Variants in CAMK2G observed in about 807,000 individuals in gnomAD.
The protein encoded by CAMK2G is calcium/calmodulin dependent protein kinase II gamma.
In CAMK2G, 23 loss-of-function variants were observed where a neutral mutation model predicts 88.7. The observed-to-expected ratio is 0.26, with a 90% confidence interval of 0.19 to 0.37. CAMK2G has a LOEUF of 0.37. Among genes scored for constraint, CAMK2G ranks in the 10% least tolerant of loss-of-function variants. The pLI, the probability that CAMK2G is intolerant of heterozygous loss-of-function variation, is 1.00. For synonymous variants in CAMK2G, 263 were observed against 294.8 expected, an observed-to-expected ratio of 0.89 and a Z score of 1.11; for missense variants, 476 against 780.8, an observed-to-expected ratio of 0.61 and a Z score of 4.65.
intron 18 of CAMK2G, among the ~76,000 whole-genome samples, chr10:73,820,561 A>G (rs1353775652): frequency 2.2e-5 from 3 of 138,640 alleles, no homozygotes; most frequent in Non-Finnish European, 4.6e-5. Flanking sequence ...CAGTGGTGCA[A>G]TCTCAGCTCA....
At position 73,848,680 on chromosome 10, in the gene CAMK2G, C is replaced by T. The variant is rs1480052086; in HGVS notation, c.518-71G>A. ...CTCGTTAAATCCACACCAGCCATTT[C>T]CCCCAAGTCCCATCTTATTCCTGCT... On this transcript the variant is annotated intron_variant, in intron 7 of 22. Transcript: ENST00000423381. The surrounding 1 kb of genome is among the most constrained non-coding windows in gnomAD (Gnocchi z 4.5). 3.6e-6 allele frequency: 3 copies of T among 837,856 alleles called. No individual in the cohort carries two copies. Among genetic ancestry groups the T allele is most frequent in the Non-Finnish European group, 5.9e-6 (3 of 511,638 alleles). The allele number at this position is 837,856 out of a possible 1,614,324, so 51.9% of individuals were successfully genotyped here.
chr10:73,840,512 T>C (rs950252574), intron 12 of CAMK2G, among the ~76,000 whole-genome samples: 4 of 152,216 alleles, frequency 2.6e-5, no homozygotes, highest in Admixed American at 6.5e-5. Flanking sequence ...CCTGGAATGC[T>C]TGCAACATTG....
chr10:73,851,036 A>G (rs537363789), intron 5 of CAMK2G, among the ~76,000 whole-genome samples: 1 of 151,680 alleles, frequency 6.6e-6, no homozygotes, highest in African/African-American at 2.4e-5. Flanking sequence ...CTGAGCCATC[A>G]CTGCCTCCTC....
intron 1 of CAMK2G, 157 bp from the exon 2 acceptor site, chr10:73,873,240 T>C: frequency 1.9e-6 from 2 of 1,026,064 alleles, no homozygotes; most frequent in Non-Finnish European, 2.9e-6. Flanking sequence ...CCATCCAACA[T>C]GAGGCAAAAG....
chr10:73,853,968 G>A (rs964549154), intron 3 of CAMK2G, among the ~76,000 whole-genome samples: 1 of 152,202 alleles, frequency 6.6e-6, no homozygotes, highest in African/African-American at 2.4e-5. Context: ...TCGACCACCT[G>A]AGATGAATGT....
At chr10:73,837,534 C>A in intron 13 of CAMK2G, 23 bp from the exon 14 acceptor site, 1 of 1,600,848 alleles carries the variant, frequency 6.2e-7, no homozygotes, top group South Asian at 1.1e-5. Flanking sequence ...AGAGGAATAT[C>A]AAGTCTCCTG....
At chr10:73,850,315 G>A in intron 5 of CAMK2G, among the ~76,000 whole-genome samples, 1 of 152,182 alleles carries the variant, frequency 6.6e-6, no homozygotes, top group Non-Finnish European at 1.5e-5. Flanking sequence ...ACGTAAATCA[G>A]ACTGTCCACA....
intron 4 of CAMK2G, 106 bp downstream of exon 4, chr10:73,853,086 G>A: frequency 2.0e-6 from 2 of 1,021,816 alleles, no homozygotes; most frequent in South Asian, 1.3e-5. Flanking sequence ...GACAAAGGAG[G>A]GGGCCCTGGG....
At chr10:73,835,646 T>C (rs1180786516) in intron 14 of CAMK2G, among the ~76,000 whole-genome samples, 2 of 152,026 alleles carry the variant, frequency 1.3e-5, no homozygotes, top group Non-Finnish European at 1.5e-5. Flanking sequence ...CAATGGCCTA[T>C]GGTATTTCCC....
At chr10:73,868,169 C>T (rs1429821733) in intron 2 of CAMK2G, among the ~76,000 whole-genome samples, 1 of 152,184 alleles carries the variant, frequency 6.6e-6, no homozygotes, top group East Asian at 1.9e-4. Context: ...CCTCCCCTTC[C>T]CTATCTCCAG....
At chr10:73,864,521 T>TTGAGTAGGGCAGTC (rs1565499378) in intron 2 of CAMK2G, among the ~76,000 whole-genome samples, 2 of 152,134 alleles carry the variant, frequency 1.3e-5, no homozygotes, top group African/African-American at 4.8e-5. Flanking sequence ...GAGTGCAGAT[T>TTGAGTAGGGCAGTC]TGAGTAGGGC....
Position 73,813,504 on chromosome 10 carries a change from A to C in CAMK2G, c.*1014T>G, listed in dbSNP as rs923988016. On this transcript the variant is annotated 3_prime_UTR_variant, in exon 23 of 23. Transcript: ENST00000423381. The stretch of plus-strand genomic sequence containing the variant: ...CTCACTCCTCCCATCCCACAGGGGC[A>C]CTTGGCAGAGGGCCCAGGCCCAGAT... The C allele has an allele frequency of 2.0e-5, 3 of 152,722 alleles. No homozygotes were observed. The highest frequency in any genetic ancestry group is 4.4e-5 in the Non-Finnish European group (3 of 68,166). 9.5% of individuals were successfully genotyped at this position (152,722 alleles called of 1,614,324 possible). A position where few individuals can be genotyped will look rare whatever the true frequency, so the allele number is the denominator to read the frequency against.
intron 18 of CAMK2G, among the ~76,000 whole-genome samples, chr10:73,820,531 C>T (rs1366967196): frequency 1.6e-5 from 2 of 126,352 alleles, no homozygotes; most frequent in African/African-American, 6.0e-5. Context: ...GAGTCTCGCT[C>T]TGTCACCCAG....
At chr10:73,838,225 C>G (rs1375203352) in intron 13 of CAMK2G, among the ~76,000 whole-genome samples, 8 of 152,124 alleles carry the variant, frequency 5.3e-5, no homozygotes, top group Non-Finnish European at 1.2e-4. Flanking sequence ...CTGGTGACAC[C>G]AGCTGGCCAC....
Position 73,819,658 on chromosome 10 carries a change from G to T in CAMK2G, c.1250-13C>A. 1 of 1,441,816 alleles carries T rather than the reference G, an allele frequency of 6.9e-7. No individual in the cohort carries two copies. The highest frequency in any genetic ancestry group is 9.4e-7 in the Non-Finnish European group (1 of 1,064,308). 89.3% of individuals were successfully genotyped at this position (1,441,816 alleles called of 1,614,324 possible). ...CGGAGCGGGGCAGCTAGCCAGCCAG[G>T]GCAGGGCAGGGCAGGGCAAGGCAGA... On this transcript the variant is annotated splice_polypyrimidine_tract_variant and intron_variant, in intron 18 of 22. Transcript: ENST00000423381.
Position 73,839,516 on chromosome 10 carries a change from CG to C in CAMK2G, c.1009+22del. On this transcript the variant is annotated intron_variant, in intron 13 of 22. Transcript: ENST00000423381. The surrounding 1 kb of genome is among the most constrained non-coding windows in gnomAD (Gnocchi z 4.2). ...GTGGCAGGGGGCCGAGGCAGGCGGTCGGGGAGGACTCATGCCACGTACCTTG... is the reference window on the plus strand; with the variant it reads ...GTGGCAGGGGGCCGAGGCAGGCGGTCGGGAGGACTCATGCCACGTACCTTG... The C allele has an allele frequency of 8.1e-7, 1 of 1,228,128 alleles. No homozygotes were observed. 76.1% of individuals were successfully genotyped at this position (1,228,128 alleles called of 1,614,324 possible). A position where few individuals can be genotyped will look rare whatever the true frequency, so the allele number is the denominator to read the frequency against.
rs1388500227 is a variant in CAMK2G at position 73,852,554 on chromosome 10, T to C, written c.276-235A>G. On this transcript the variant is annotated intron_variant, in intron 4 of 22. Transcript: ENST00000423381. ...CATTTCTTTTTCCAAAATGCACAGA[T>C]TCACTAATAGTCAGGCAGAGATGAA... 8 of 544,348 alleles carry C rather than the reference T, an allele frequency of 1.5e-5. No homozygotes were observed. In the East Asian group the frequency reaches 1.5e-4, roughly 10 times the overall value. The allele number at this position is 544,348 out of a possible 1,614,324, so 33.7% of individuals were successfully genotyped here.
rs1336095749 is a variant in CAMK2G at position 73,848,974 on chromosome 10, G to C, written c.517+39C>G. 8.0e-7 allele frequency: 1 copy of C among 1,253,226 alleles called. No individual in the cohort carries two copies. The highest frequency in any genetic ancestry group is 1.5e-5 in the African/African-American group (1 of 68,004). 77.6% of individuals were successfully genotyped at this position (1,253,226 alleles called of 1,614,324 possible). On this transcript the variant is annotated intron_variant, in intron 7 of 22. Transcript: ENST00000423381. The surrounding 1 kb of genome is among the most constrained non-coding windows in gnomAD (Gnocchi z 4.5). ...AAGGCAGATCAGGAAGAGGAGGAAGGGCGGGGGCTGCATTCCGGGAAGACA... is the reference window on the plus strand; with the variant it reads ...AAGGCAGATCAGGAAGAGGAGGAAGCGCGGGGGCTGCATTCCGGGAAGACA...
At chr10:73,866,047 G>A (rs2095580078) in intron 2 of CAMK2G, among the ~76,000 whole-genome samples, 1 of 152,202 alleles carries the variant, frequency 6.6e-6, no homozygotes, top group Non-Finnish European at 1.5e-5. Context: ...GGCAACAGGA[G>A]CAGAAAGCAG....
Sources: gnomAD v4.1 joint callset for allele counts (sites outside exome capture counted in the v4.1 genomes callset) on GRCh38, gnomAD v4.1.1 for gene constraint, Gnocchi (gnomAD v3.1) non-coding constraint, MANE v1.5 for transcripts, NCBI Gene and HGNC (gene_info 2026-07-23, HGNC 2026-07-21) for gene names.